Variants in ALG9 observed in about 807,000 individuals in gnomAD.
The protein encoded by ALG9 is ALG9 alpha-1,2-mannosyltransferase.
In ALG9, 55 loss-of-function variants were observed where a neutral mutation model predicts 81.8. That is an observed-to-expected ratio of 0.67 (90% confidence interval 0.54 to 0.84). ALG9 has a LOEUF of 0.84. ALG9 is among the 40% of genes least tolerant of loss of function. ALG9 has a pLI of 0.00. For missense variants in ALG9, 629 were observed against 745.0 expected (o/e 0.84, Z 1.81); for synonymous variants, 278 against 274.3 (o/e 1.01, Z -0.13).
At chr11:111,864,259 TG>T in intron 4 of ALG9, 2 of 1,099,524 alleles carry the variant, frequency 1.8e-6, no homozygotes, top group Non-Finnish European at 1.4e-6. Flanking sequence ...GCACCATGTC[TG>T]GCTCCTCCAG....
rs193240222 is a variant in ALG9, at chr11:111,864,322, C to T, written c.476+859G>A. The T allele has an allele frequency of 1.1e-5, 9 of 849,510 alleles. No homozygotes were observed. The African/African-American group carries it at 1.2e-4, about 11-fold the overall frequency. 52.6% of individuals were successfully genotyped at this position (849,510 alleles called of 1,614,324 possible). ...AACAGCCCCGGCTGGAGGCCAGGCT[C>T]AACTGCATAAAAGTTTCCCAGGCAG... On this transcript the variant is annotated intron_variant, in intron 4 of 14. Coordinates refer to ENST00000616540, the MANE Select transcript of ALG9 (RefSeq NM_024740.2).
intron 8 of ALG9, among the ~76,000 whole-genome samples, chr11:111,848,072 C>T (rs1408014731): frequency 2.0e-5 from 3 of 152,124 alleles, no homozygotes; most frequent in Non-Finnish European, 2.9e-5. Flanking sequence ...CAACACTAGA[C>T]TCTTATCCCA....
the ALG9 span, among the ~76,000 whole-genome samples, chr11:111,775,460 G>C: frequency 6.6e-6 from 1 of 152,172 alleles, no homozygotes; most frequent in Non-Finnish European, 1.5e-5. Flanking sequence ...CTCTGATTTA[G>C]CTATGTGGTT....
chr11:111,864,652 T>C (rs1555151022), intron 4 of ALG9, among the ~76,000 whole-genome samples: 1 of 152,158 alleles, frequency 6.6e-6, no homozygotes, highest in Non-Finnish European at 1.5e-5. Context: ...CAAGGGTAAC[T>C]GTTTTATCCA....
In ALG9 at chr11:111,785,407, G is replaced by T. The variant is rs1555061959; in HGVS notation, c.*990C>A. The T allele has an allele frequency of 6.6e-6, 1 of 152,496 alleles. No individual in the cohort carries two copies. Among genetic ancestry groups the T allele is most frequent in the African/African-American group, 2.4e-5 (1 of 41,404 alleles). The allele number at this position is 152,496 out of a possible 1,614,324, so 9.4% of individuals were successfully genotyped here. On this transcript the variant is annotated 3_prime_UTR_variant, in exon 15 of 15. Transcript: ENST00000616540. ...GTCCTTATCATTGCCTATTTGACTAGAAGTGCCCCATGCAGGATGTGCCTC... is the reference window on the plus strand; with the variant it reads ...GTCCTTATCATTGCCTATTTGACTATAAGTGCCCCATGCAGGATGTGCCTC...
At chr11:111,787,045 TTATAA>T (rs1288558995) in intron 14 of ALG9, among the ~76,000 whole-genome samples, 6 of 152,182 alleles carry the variant, frequency 3.9e-5, no homozygotes, top group South Asian at 2.1e-4. Context: ...CCCTAGTAAA[TTATAA>T]TATATCTACT....
At chr11:111,842,187 G>A (rs1362457054) in intron 9 of ALG9, among the ~76,000 whole-genome samples, 2 of 152,182 alleles carry the variant, frequency 1.3e-5, no homozygotes, top group Non-Finnish European at 2.9e-5. Flanking sequence ...GTGAGCCACT[G>A]TGCCTGGCCT....
At chr11:111,855,837 T>C (rs566762982) in intron 6 of ALG9, among the ~76,000 whole-genome samples, 2 of 151,884 alleles carry the variant, frequency 1.3e-5, no homozygotes, top group East Asian at 3.9e-4. Flanking sequence ...ATGTGCAAAA[T>C]AGAATAGAAG....
chr11:111,829,322 A>G (rs1336306455), intron 13 of ALG9: 2 of 152,234 alleles, frequency 1.3e-5, no homozygotes, highest in African/African-American at 2.4e-5. Context: ...CACAGGCTAC[A>G]TATCAACCAG....
intron 13 of ALG9, among the ~76,000 whole-genome samples, chr11:111,833,427 T>C (rs1954716869): frequency 6.6e-6 from 1 of 152,224 alleles, no homozygotes; most frequent in Non-Finnish European, 1.5e-5. Context: ...TTTTGCAATA[T>C]AGTTATAATG....
rs4026118 is a variant in ALG9 at position 111,826,066 on chromosome 11, CAATAAT to C, written c.1602+10093_1602+10098del. Among the ~76,000 whole-genome samples, 98 of 132,676 alleles carry C rather than the reference CAATAAT, an allele frequency of 7.4e-4. No homozygotes were observed. The East Asian group carries it at 0.014, about 19-fold the overall frequency. The allele number at this position is 132,676 out of a possible 152,430, so 87.0% of individuals were successfully genotyped here. A position where few individuals can be genotyped will look rare whatever the true frequency, so the allele number is the denominator to read the frequency against. On this transcript the variant is annotated intron_variant, in intron 13 of 14. Coordinates refer to ENST00000616540, the MANE Select transcript of ALG9 (RefSeq NM_024740.2). Reference sequence around the variant, plus strand: ...GGGCAACAAGAGCAAAACTCCGTCTCAATAATAATAATAATAATAATAATAATAATA... The same window carrying C: ...GGGCAACAAGAGCAAAACTCCGTCTCAATAATAATAATAATAATAATAATA...
At chr11:111,836,355 G>C in intron 12 of ALG9, 61 bp from the exon 13 acceptor site, 1 of 1,598,052 alleles carries the variant, frequency 6.3e-7, no homozygotes, top group South Asian at 1.1e-5. Context: ...AAATGTACTT[G>C]AAACAAACAA....
intron 2 of ALG9, 90 bp downstream of exon 2, chr11:111,870,142 C>T: frequency 1.5e-6 from 2 of 1,340,558 alleles, no homozygotes; most frequent in South Asian, 1.5e-5. Context: ...TACTAGGAGT[C>T]ACACTTGTAT....
intron 14 of ALG9, among the ~76,000 whole-genome samples, chr11:111,809,105 G>T (rs1279940416): frequency 6.6e-6 from 1 of 152,210 alleles, no homozygotes; most frequent in East Asian, 1.9e-4. Flanking sequence ...TCAAACACTT[G>T]TGCTTTCTTC....
At chr11:111,812,895 G>A in intron 13 of ALG9, among the ~76,000 whole-genome samples, 1 of 122,174 alleles carries the variant, frequency 8.2e-6, no homozygotes. Context: ...CCAGCCTGGT[G>A]ACAGAGCAAG....
rs150115261 is a variant in ALG9, at chr11:111,841,529, G to A, written c.1019-720C>T. Among the ~76,000 whole-genome samples, 908 of 152,316 alleles carry A rather than the reference G, an allele frequency of 6.0e-3. 3 individuals are homozygous for A. The highest frequency in any genetic ancestry group is 0.011 in the Non-Finnish European group (735 of 68,036). On this transcript the variant is annotated intron_variant, in intron 9 of 14. Coordinates refer to ENST00000616540, the MANE Select transcript of ALG9 (RefSeq NM_024740.2). ...CAAGAACCTGCTGGAAAGTTCCCGT[G>A]GTTAGGTACATGAGAAATGAGAGAT...
At position 111,857,596 on chromosome 11, in the gene ALG9, T is replaced by C; in HGVS notation, c.701+6A>G. The C allele has an allele frequency of 1.2e-6, 2 of 1,614,136 alleles. No homozygotes were observed. Among genetic ancestry groups the C allele is most frequent in the Non-Finnish European group, 1.7e-6 (2 of 1,180,006 alleles). On this transcript the variant is annotated splice_donor_region_variant and intron_variant, in intron 6 of 14. Coordinates refer to ENST00000616540, the MANE Select transcript of ALG9 (RefSeq NM_024740.2). ...ATATATGGGAGGAGAACTGTTAGTT[T>C]CTTACCCAAGAGCTGCACTGAATGG...
intron 14 of ALG9, among the ~76,000 whole-genome samples, chr11:111,790,265 T>C (rs1163779419): frequency 2.0e-5 from 3 of 151,856 alleles, no homozygotes; most frequent in African/African-American, 7.3e-5. Flanking sequence ...AGATGGAGCT[T>C]GTAGTAAACC....
chr11:111,799,861 C>G (rs1948851773), intron 14 of ALG9, among the ~76,000 whole-genome samples: 1 of 152,164 alleles, frequency 6.6e-6, no homozygotes, highest in Admixed American at 6.5e-5. Flanking sequence ...TAATGGGCCC[C>G]TCATCCAACA....
Sources: gnomAD v4.1 joint callset for allele counts (sites outside exome capture counted in the v4.1 genomes callset) on GRCh38, gnomAD v4.1.1 for gene constraint, MANE v1.5 for transcripts, NCBI Gene and HGNC (gene_info 2026-07-23, HGNC 2026-07-21) for gene names.